The following KCNMA1 variants were observed in gnomAD, a reference collection of about 807,000 sequenced individuals.
The protein encoded by KCNMA1 is Calcium-activated potassium channel subunit alpha-1.
In KCNMA1, 29 loss-of-function variants were observed where a neutral mutation model predicts 140.0. That is an observed-to-expected ratio of 0.21 (90% CI 0.15 to 0.28). The LOEUF is 0.28. Ranked by LOEUF, KCNMA1 falls within the 10% of genes least tolerant of loss-of-function variation. KCNMA1 has a pLI of 1.00. For synonymous variants in KCNMA1, 612 were observed against 611.9 expected, an observed-to-expected ratio of 1.00 and a Z score of 0.00; for missense variants, 880 against 1,602.2, an observed-to-expected ratio of 0.55 and a Z score of 7.70.
intron 1 of KCNMA1, among the ~76,000 whole-genome samples, chr10:77,545,570 T>C (rs1025688978): frequency 6.6e-6 from 1 of 152,088 alleles, no homozygotes; most frequent in South Asian, 2.1e-4. Context: ...CTGTCCAGCA[T>C]CTCCTGTGCC....
At chr10:77,636,799 C>G (rs1418821385) in intron 1 of KCNMA1, 2 of 1,451,056 alleles carry the variant, frequency 1.4e-6, no homozygotes, top group Non-Finnish European at 1.8e-6. Context: ...ACGAACTCAT[C>G]TCCCCAACAG....
intron 3 of KCNMA1, among the ~76,000 whole-genome samples, chr10:77,221,223 T>C (rs1001155075): frequency 2.0e-5 from 3 of 152,172 alleles, no homozygotes; most frequent in African/African-American, 4.8e-5. Flanking sequence ...AGTCTCTTTA[T>C]TCCTGAAGAG....
intron 2 of KCNMA1, among the ~76,000 whole-genome samples, chr10:77,338,930 TCTC>T (rs1354142659): frequency 2.0e-5 from 3 of 152,110 alleles, no homozygotes; most frequent in African/African-American, 7.2e-5. Context: ...GACCAGCTCT[TCTC>T]CTCCCACAGT....
At chr10:76,948,218 C>T (rs1423351672) in intron 22 of KCNMA1, among the ~76,000 whole-genome samples, 1 of 152,146 alleles carries the variant, frequency 6.6e-6, no homozygotes, top group Non-Finnish European at 1.5e-5. Flanking sequence ...GTTGCCCAGG[C>T]TGCTCATGAA....
At chr10:77,367,073 A>G (rs1193458451) in intron 2 of KCNMA1, among the ~76,000 whole-genome samples, 1 of 152,188 alleles carries the variant, frequency 6.6e-6, no homozygotes, top group East Asian at 1.9e-4. Flanking sequence ...TAGCATGCAT[A>G]CTGCATTAGA....
chr10:76,929,301 A>T (rs1388950136), intron 23 of KCNMA1, among the ~76,000 whole-genome samples: 2 of 152,208 alleles, frequency 1.3e-5, no homozygotes, highest in African/African-American at 4.8e-5. Context: ...CTTTAGGCCC[A>T]TGGCCTGATT....
At chr10:77,040,408 G>A (rs1415884013) in intron 14 of KCNMA1, among the ~76,000 whole-genome samples, 3 of 151,992 alleles carry the variant, frequency 2.0e-5, no homozygotes, top group Non-Finnish European at 4.4e-5. Context: ...ATGAAAAATG[G>A]GAAATAACCG....
At chr10:77,397,291 T>C (rs554031211) in intron 2 of KCNMA1, among the ~76,000 whole-genome samples, 1 of 152,312 alleles carries the variant, frequency 6.6e-6, no homozygotes, top group East Asian at 1.9e-4. Flanking sequence ...GGGGATAAAT[T>C]AGACTGAGTC....
intron 2 of KCNMA1, among the ~76,000 whole-genome samples, chr10:77,363,120 A>ATTAT (rs1555240110): frequency 7.9e-5 from 12 of 151,036 alleles, no homozygotes; most frequent in South Asian, 2.1e-4. Flanking sequence ...AATTATTATT[A>ATTAT]TTTTTTTTTT....
chr10:77,194,893 T>C (rs912001165), intron 3 of KCNMA1, among the ~76,000 whole-genome samples: 3 of 152,218 alleles, frequency 2.0e-5, no homozygotes, highest in Admixed American at 2.0e-4. Flanking sequence ...GCTGCTTCAC[T>C]TTGACGAACA....
At chr10:77,280,717 C>A (rs1157716381) in intron 2 of KCNMA1, among the ~76,000 whole-genome samples, 1 of 147,488 alleles carries the variant, frequency 6.8e-6, no homozygotes, top group Non-Finnish European at 1.5e-5. Context: ...CAGGTATAGG[C>A]AGAGTCTTAC....
At chr10:77,015,272 G>C (rs545222379) in intron 17 of KCNMA1, among the ~76,000 whole-genome samples, 1 of 151,998 alleles carries the variant, frequency 6.6e-6, no homozygotes, top group Non-Finnish European at 1.5e-5. Context: ...TTGACCCCCC[G>C]GGTGCCCTCC....
chr10:77,094,759 G>A (rs529597188), intron 9 of KCNMA1, among the ~76,000 whole-genome samples: 2 of 151,904 alleles, frequency 1.3e-5, no homozygotes, highest in South Asian at 4.2e-4. Flanking sequence ...GGAGTACAGT[G>A]GCTCAATCAG....
chr10:77,158,216 T>C (rs2098510831), intron 5 of KCNMA1, among the ~76,000 whole-genome samples: 2 of 152,104 alleles, frequency 1.3e-5, no homozygotes, highest in South Asian at 2.1e-4. Flanking sequence ...CTGTATGCCA[T>C]GAGGAGAAAA....
At chr10:77,549,707 T>C (rs949419471) in intron 1 of KCNMA1, among the ~76,000 whole-genome samples, 6 of 152,246 alleles carry the variant, frequency 3.9e-5, no homozygotes, top group African/African-American at 1.4e-4. Flanking sequence ...AGTAACGTCC[T>C]GTCTAAACAT....
downstream of KCNMA1, chr10:76,883,875 C>T (rs182898913): frequency 2.5e-3 from 864 of 344,322 alleles, 4 homozygotes; most frequent in Middle Eastern, 7.2e-3. Flanking sequence ...GGACTCTTCA[C>T]TCTATTAAGG....
At chr10:77,311,951 G>A (rs1381128641) in intron 2 of KCNMA1, among the ~76,000 whole-genome samples, 1 of 152,218 alleles carries the variant, frequency 6.6e-6, no homozygotes, top group African/African-American at 2.4e-5. Flanking sequence ...AACATGACAG[G>A]TGAGCCAGAA....
chr10:77,515,953 CCT>C (rs2050251404), intron 1 of KCNMA1, among the ~76,000 whole-genome samples: 2 of 152,168 alleles, frequency 1.3e-5, no homozygotes, highest in Admixed American at 1.3e-4. Context: ...CTCTTCCATC[CCT>C]GTTATCCCTG....
At chr10:77,532,163 A>C (rs2057790795) in intron 1 of KCNMA1, among the ~76,000 whole-genome samples, 1 of 152,216 alleles carries the variant, frequency 6.6e-6, no homozygotes, top group African/African-American at 2.4e-5. Flanking sequence ...AAATGCACTG[A>C]ACTGTGCTTG....
Sources: gnomAD v4.1 joint callset for allele counts (sites outside exome capture counted in the v4.1 genomes callset) on GRCh38, gnomAD v4.1.1 for gene constraint, MANE v1.5 for transcripts, NCBI Gene and HGNC (gene_info 2026-07-23, HGNC 2026-07-21) for gene names.